FAR2: variants seen among roughly 807,000 people sequenced by gnomAD.
FAR2 encodes fatty acyl-CoA reductase 2.
FAR2 carries 19 observed loss-of-function variants against 56.0 expected under a neutral mutation model. That is an observed-to-expected ratio of 0.34 (90% CI 0.24 to 0.50). The LOEUF is 0.50. FAR2 is among the 20% of genes least tolerant of loss of function. FAR2 has a pLI of 0.98. For synonymous variants in FAR2, 219 were observed against 218.8 expected (o/e 1.00, Z -0.01); for missense variants, 508 against 642.2 (o/e 0.79, Z 2.26).
At chr12:29,212,975 AT>A (rs1209021625) in intron 1 of FAR2, among the ~76,000 whole-genome samples, 3 of 152,184 alleles carry the variant, frequency 2.0e-5, no homozygotes, top group African/African-American at 4.8e-5. Flanking sequence ...AGTGTCATTC[AT>A]CCCTTCTTCA....
chr12:29,246,888 C>A (rs898547986), intron 1 of FAR2, among the ~76,000 whole-genome samples: 13 of 150,972 alleles, frequency 8.6e-5, no homozygotes, highest in Admixed American at 3.3e-4. Flanking sequence ...GGAACAAGTT[C>A]CTATGGAGAC....
chr12:29,196,035 T>C (rs1346920259), intron 1 of FAR2, among the ~76,000 whole-genome samples: 5 of 152,258 alleles, frequency 3.3e-5, no homozygotes, highest in African/African-American at 1.2e-4. Context: ...CATGATTTCA[T>C]TTTTTTATGG....
At chr12:29,268,453 C>G (rs1948556112) in intron 1 of FAR2, among the ~76,000 whole-genome samples, 1 of 152,218 alleles carries the variant, frequency 6.6e-6, no homozygotes, top group African/African-American at 2.4e-5. Flanking sequence ...TGGCTTCCTG[C>G]TACCAGATTC....
intron 4 of FAR2, among the ~76,000 whole-genome samples, chr12:29,304,634 A>G (rs776625665): frequency 6.6e-6 from 1 of 152,248 alleles, no homozygotes. Flanking sequence ...CAGTAAATAC[A>G]TAAATAAACC....
intron 1 of FAR2, among the ~76,000 whole-genome samples, chr12:29,179,793 C>G (rs932930715): frequency 6.6e-6 from 1 of 152,130 alleles, no homozygotes; most frequent in East Asian, 1.9e-4. Context: ...CAGTTGTAAG[C>G]TGTGATTCTA....
chr12:29,164,866 G>A (rs1234840528), intron 1 of FAR2, among the ~76,000 whole-genome samples: 1 of 152,180 alleles, frequency 6.6e-6, no homozygotes, highest in Non-Finnish European at 1.5e-5. Flanking sequence ...TTAAATCACA[G>A]GGACACAGTA....
intron 1 of FAR2, among the ~76,000 whole-genome samples, chr12:29,214,868 G>A (rs545259544): frequency 2.6e-5 from 4 of 151,762 alleles, no homozygotes; most frequent in East Asian, 1.9e-4. Context: ...AATAAAGAAC[G>A]TGAACATAGG....
rs1201320235 is a variant in FAR2 at position 29,222,024 on chromosome 12, A to G, written c.-38-48388A>G. 2.6e-5 allele frequency among the ~76,000 whole-genome samples: 4 copies of G among 152,078 alleles called. No individual in the cohort carries two copies. The East Asian group carries it at 7.8e-4, about 30-fold the overall frequency. On this transcript the variant is annotated intron_variant, in intron 1 of 11. Transcript: ENST00000536681. ...TACCACACCCAGCTAATTTTTTTGT[A>G]TTTTTAGTAGAGACGGGTTTCACCA...
chr12:29,205,782 T>G (rs191583233), intron 1 of FAR2, among the ~76,000 whole-genome samples: 1 of 152,218 alleles, frequency 6.6e-6, no homozygotes, highest in East Asian at 1.9e-4. Context: ...CAGCTGAATG[T>G]TAAAGGAGGC....
chr12:29,239,871 A>C (rs1359363511), intron 1 of FAR2, among the ~76,000 whole-genome samples: 1 of 152,238 alleles, frequency 6.6e-6, no homozygotes, highest in Non-Finnish European at 1.5e-5. Flanking sequence ...CTACACAAGA[A>C]GGACAGATAG....
At chr12:29,277,164 G>C (rs1264473750) in intron 2 of FAR2, among the ~76,000 whole-genome samples, 3 of 152,114 alleles carry the variant, frequency 2.0e-5, no homozygotes, top group Admixed American at 1.3e-4. Flanking sequence ...TTTTAGTAGA[G>C]ACGGGGTTTC....
chr12:29,275,298 C>A (rs1195936154), intron 2 of FAR2, among the ~76,000 whole-genome samples: 1 of 151,730 alleles, frequency 6.6e-6, no homozygotes, highest in African/African-American at 2.4e-5. Context: ...CCAGGATGAG[C>A]CAGGAGAAGG....
intron 1 of FAR2, among the ~76,000 whole-genome samples, chr12:29,192,012 A>G (rs1042647609): frequency 3.3e-5 from 5 of 152,232 alleles, no homozygotes; most frequent in African/African-American, 1.2e-4. Flanking sequence ...TTGCCTGACT[A>G]TTTGTATTGG....
chr12:29,220,604 C>T (rs1248468105), intron 1 of FAR2, among the ~76,000 whole-genome samples: 1 of 151,720 alleles, frequency 6.6e-6, no homozygotes, highest in East Asian at 1.9e-4. Flanking sequence ...GTGTAAATGC[C>T]CATTTTTTTC....
At chr12:29,238,390 T>A (rs1196429829) in intron 1 of FAR2, among the ~76,000 whole-genome samples, 1 of 152,186 alleles carries the variant, frequency 6.6e-6, no homozygotes, top group Non-Finnish European at 1.5e-5. Flanking sequence ...TCTGTATATA[T>A]GTATTTTATC....
chr12:29,238,975 CAG>C (rs1337169509), intron 1 of FAR2, among the ~76,000 whole-genome samples: 5 of 152,242 alleles, frequency 3.3e-5, no homozygotes, highest in Admixed American at 2.0e-4. Context: ...TCTCTTTCTT[CAG>C]AAAGCCTGTC....
At chr12:29,330,842 CAA>C (rs989993096) in intron 10 of FAR2, among the ~76,000 whole-genome samples, 1 of 151,996 alleles carries the variant, frequency 6.6e-6, no homozygotes, top group African/African-American at 2.4e-5. Flanking sequence ...AAGCCTCGAT[CAA>C]AGACTGATTG....
Position 29,238,113 on chromosome 12 carries a change from C to A in FAR2, c.-38-32299C>A, listed in dbSNP as rs11612369. Among the ~76,000 whole-genome samples the A allele has an allele frequency of 5.6e-3, 853 of 152,172 alleles. 4 individuals are homozygous for A. Among genetic ancestry groups the A allele is most frequent in the Admixed American group, 0.011 (165 of 15,258 alleles). ...CTGCAGTTTAAGAAACCATAATTTG[C>A]CAAGTTTTGGGTATATTATCAAAGG... On this transcript the variant is annotated intron_variant, in intron 1 of 11. Coordinates refer to ENST00000536681, the MANE Select transcript of FAR2 (RefSeq NM_001271783.2).
At chr12:29,249,333 A>G (rs138152416) in intron 1 of FAR2, among the ~76,000 whole-genome samples, 20 of 152,292 alleles carry the variant, frequency 1.3e-4, no homozygotes, top group African/African-American at 4.3e-4. Context: ...ACAGTTTTTC[A>G]TGCAATAGTA....
Sources: gnomAD v4.1 joint callset for allele counts (sites outside exome capture counted in the v4.1 genomes callset) on GRCh38, gnomAD v4.1.1 for gene constraint, MANE v1.5 for transcripts, NCBI Gene and HGNC (gene_info 2026-07-23, HGNC 2026-07-21) for gene names.